The following FAP variants were observed in gnomAD, a reference collection of about 807,000 sequenced individuals.
FAP encodes prolyl endopeptidase FAP.
Under a neutral mutation model 126.5 loss-of-function variants are expected in FAP, and 110 were observed. That is an observed-to-expected ratio of 0.87 (90% CI 0.74 to 1.02). The LOEUF (loss-of-function observed/expected upper bound fraction) is 1.02, where lower values mean the gene tolerates loss of function less well. FAP is among the 50% of genes least tolerant of loss of function. The pLI, the probability that FAP is intolerant of heterozygous loss-of-function variation, is 0.00. For missense variants in FAP, 919 were observed against 909.2 expected, an observed-to-expected ratio of 1.01 and a Z score of -0.14; for synonymous variants, 334 against 297.3, an observed-to-expected ratio of 1.12 and a Z score of -1.27.
intron 20 of FAP, among the ~76,000 whole-genome samples, chr2:162,185,103 C>G (rs925425097): frequency 6.6e-6 from 1 of 152,116 alleles, no homozygotes; most frequent in African/African-American, 2.4e-5. Flanking sequence ...CCTTCAAATT[C>G]TGAAGAGTTT....
intron 17 of FAP, among the ~76,000 whole-genome samples, chr2:162,191,363 C>T (rs1221487783): frequency 6.6e-6 from 1 of 151,928 alleles, no homozygotes; most frequent in Non-Finnish European, 1.5e-5. Flanking sequence ...GCAATTTTTC[C>T]ACCTCTTGGA....
chr2:162,181,763 C>T (rs547899391), intron 21 of FAP, among the ~76,000 whole-genome samples: 2 of 152,280 alleles, frequency 1.3e-5, no homozygotes, highest in Admixed American at 1.3e-4. Flanking sequence ...ATCTTTTCAT[C>T]CCCTAAGGAA....
chr2:162,206,564 G>C (rs1688704788), intron 12 of FAP, among the ~76,000 whole-genome samples: 1 of 152,176 alleles, frequency 6.6e-6, no homozygotes, highest in Non-Finnish European at 1.5e-5. Context: ...CCTAAAGACG[G>C]TGTAGTGTGT....
intron 21 of FAP, among the ~76,000 whole-genome samples, chr2:162,179,425 T>A (rs1454601316): frequency 6.6e-6 from 1 of 152,140 alleles, no homozygotes; most frequent in African/African-American, 2.4e-5. Flanking sequence ...AACAACATCA[T>A]AGATGCTTGC....
Position 162,216,009 on chromosome 2 carries a change from G to A in FAP, c.763-8C>T. 6.2e-7 allele frequency: 1 copy of A among 1,600,370 alleles called. No individual in the cohort carries two copies. Among genetic ancestry groups the A allele is most frequent in the Non-Finnish European group, 8.6e-7 (1 of 1,167,820 alleles). On this transcript the variant is annotated splice_polypyrimidine_tract_variant and splice_region_variant and intron_variant, in intron 9 of 25. Coordinates refer to ENST00000188790, the MANE Select transcript of FAP (RefSeq NM_004460.5). ...GGGATTCTTAGCTCCAGCCTGCCAA[G>A]AAAATTGAGATATATAAGCTCATAA... is the stretch of plus-strand genomic sequence containing the variant.
chr2:162,209,831 C>A (rs892508435), intron 12 of FAP, 121 bp downstream of exon 12: 3 of 815,948 alleles, frequency 3.7e-6, no homozygotes, highest in East Asian at 2.6e-5. Flanking sequence ...GTGTTTTATA[C>A]CTTGCTACTT....
At position 162,188,182 on chromosome 2, in the gene FAP, T is replaced by C. The variant is rs1356237654; in HGVS notation, c.1801A>G (p.Ile601Val). 9 of 1,612,794 alleles carry C rather than the reference T, an allele frequency of 5.6e-6. No individual in the cohort carries two copies. Among genetic ancestry groups the C allele is most frequent in the Non-Finnish European group, 7.6e-6 (9 of 1,179,084 alleles). Residue 601 changes from isoleucine (I) to valine (V), a missense_variant, in exon 20 of 26, where the codon ATT (isoleucine) becomes GTT (valine). Physicochemically the swap from Ile to Val is conservative, Grantham distance 29. Coordinates refer to ENST00000188790, the MANE Select transcript of FAP (RefSeq NM_004460.5). ...KLGVYEVEDQ[I>V]TAVRKFIEMG... ...GAAGGTGCTCACCTGACAGCTGTAA[T>C]CTGGTCTTCAACTTCATAAACACCC...
chr2:162,234,368 C>G (rs770260534), intron 2 of FAP, among the ~76,000 whole-genome samples: 2 of 151,732 alleles, frequency 1.3e-5, no homozygotes, highest in African/African-American at 2.4e-5. Context: ...TTATTTAGAT[C>G]TTTTTGGATT....
intron 17 of FAP, among the ~76,000 whole-genome samples, chr2:162,192,339 A>G (rs1320565002): frequency 6.6e-6 from 1 of 152,036 alleles, no homozygotes; most frequent in African/African-American, 2.4e-5. Flanking sequence ...CACTCTCTGC[A>G]GCATCTGGTA....
chr2:162,207,597 A>C (rs1465490242), intron 12 of FAP, among the ~76,000 whole-genome samples: 1 of 152,074 alleles, frequency 6.6e-6, no homozygotes, highest in Non-Finnish European at 1.5e-5. Context: ...TTTTTTAAAA[A>C]AGTTCTACAG....
At chr2:162,222,735 T>A (rs1689463704) in intron 6 of FAP, among the ~76,000 whole-genome samples, 1 of 152,156 alleles carries the variant, frequency 6.6e-6, no homozygotes, top group Non-Finnish European at 1.5e-5. Context: ...ATCCTTATTG[T>A]CATCAGAAAG....
intron 8 of FAP, 60 bp downstream of exon 8, chr2:162,219,003 A>ATT: frequency 7.4e-7 from 1 of 1,350,092 alleles, no homozygotes; most frequent in Non-Finnish European, 9.9e-7. Context: ...TACTAAATAT[A>ATT]TGAAATTATT....
intron 16 of FAP, chr2:162,195,117 C>T (rs1688203266): frequency 4.0e-6 from 1 of 251,418 alleles, no homozygotes. Flanking sequence ...ATCAAACAAC[C>T]TTCACCAGTA....
chr2:162,199,968 C>T (rs1197255231), intron 15 of FAP, among the ~76,000 whole-genome samples: 3 of 152,166 alleles, frequency 2.0e-5, no homozygotes, highest in Non-Finnish European at 4.4e-5. Flanking sequence ...AACAACATTA[C>T]CTGCTTCATA....
At chr2:162,211,358 A>T (rs1688926599) in intron 11 of FAP, among the ~76,000 whole-genome samples, 1 of 152,198 alleles carries the variant, frequency 6.6e-6, no homozygotes, top group Non-Finnish European at 1.5e-5. Flanking sequence ...GGTTACATGA[A>T]TGTGCAATAA....
chr2:162,198,430 G>C (rs572159471), intron 16 of FAP: 4 of 1,052,502 alleles, frequency 3.8e-6, no homozygotes, highest in Admixed American at 5.4e-5. Flanking sequence ...GCCTCTGCAC[G>C]CAGTCTTAGT....
At chr2:162,200,408 T>C (rs527773794) in intron 15 of FAP, among the ~76,000 whole-genome samples, 158 bp downstream of exon 15, 1 of 142,004 alleles carries the variant, frequency 7.0e-6, no homozygotes, top group East Asian at 2.1e-4. Context: ...TGCGAGTGTG[T>C]GTTTTTTATA....
intron 15 of FAP, among the ~76,000 whole-genome samples, chr2:162,199,863 T>G (rs559132184): frequency 6.6e-6 from 1 of 152,232 alleles, no homozygotes; most frequent in Non-Finnish European, 1.5e-5. Context: ...TATGTTAACA[T>G]ATGTCCCTAT....
intron 12 of FAP, among the ~76,000 whole-genome samples, chr2:162,208,919 T>G (rs1417494153): frequency 6.6e-6 from 1 of 151,892 alleles, no homozygotes; most frequent in Non-Finnish European, 1.5e-5. Context: ...AAAGTAACTA[T>G]TCCCTAGTTA....
Sources: gnomAD v4.1 joint callset for allele counts (sites outside exome capture counted in the v4.1 genomes callset) on GRCh38, gnomAD v4.1.1 for gene constraint, MANE v1.5 for transcripts, NCBI Gene and HGNC (gene_info 2026-07-23, HGNC 2026-07-21) for gene names.